PTPRN2: variants seen among roughly 807,000 people sequenced by gnomAD.
The protein encoded by PTPRN2 is receptor-type tyrosine-protein phosphatase N2.
In PTPRN2, 74 loss-of-function variants were observed where a neutral mutation model predicts 118.8. The observed-to-expected ratio is 0.62, with a 90% CI of 0.52 to 0.76. PTPRN2 has a LOEUF of 0.76. Ranked by LOEUF, PTPRN2 falls within the 30% of genes least tolerant of loss-of-function variation. PTPRN2 has a pLI of 0.00. For missense variants in PTPRN2, 1,481 were observed against 1,394.4 expected, an observed-to-expected ratio of 1.06 and a Z score of -0.99; for synonymous variants, 641 against 608.0, an observed-to-expected ratio of 1.05 and a Z score of -0.80.
At chr7:158,260,897 G>C (rs1394545861) in intron 3 of PTPRN2, among the ~76,000 whole-genome samples, 1 of 152,208 alleles carries the variant, frequency 6.6e-6, no homozygotes, top group African/African-American at 2.4e-5. Flanking sequence ...AGGCAGGAGT[G>C]TGAGCTCCTA....
intron 11 of PTPRN2, among the ~76,000 whole-genome samples, chr7:157,952,992 C>G (rs1314429067): frequency 6.6e-6 from 1 of 152,006 alleles, no homozygotes. Context: ...CATTGGCCCA[C>G]AGGGTGAGCT....
chr7:158,137,543 T>C (rs1318977861), intron 7 of PTPRN2, among the ~76,000 whole-genome samples: 2 of 152,064 alleles, frequency 1.3e-5, no homozygotes, highest in Admixed American at 6.5e-5. Flanking sequence ...CCTGCATCCC[T>C]CCTAGCCATG....
chr7:158,571,724 T>C (rs1178189176), intron 1 of PTPRN2, among the ~76,000 whole-genome samples: 1 of 151,724 alleles, frequency 6.6e-6, no homozygotes, highest in Non-Finnish European at 1.5e-5. Flanking sequence ...CTCCCCTGAT[T>C]CTTCAAAAAG....
intron 12 of PTPRN2, among the ~76,000 whole-genome samples, chr7:157,752,335 C>T (rs1446711702): frequency 6.6e-6 from 1 of 152,230 alleles, no homozygotes; most frequent in African/African-American, 2.4e-5. Context: ...AAGGCACAGC[C>T]ACAGCTTCCC....
intron 2 of PTPRN2, among the ~76,000 whole-genome samples, chr7:158,470,838 A>ATTT (rs112598536): frequency 6.9e-6 from 1 of 143,940 alleles, no homozygotes; most frequent in South Asian, 2.2e-4. Flanking sequence ...GATCACATGG[A>ATTT]TTTTTTTTTT....
At position 157,819,220 on chromosome 7, in the gene PTPRN2, C is replaced by T. The variant is rs1003975467; in HGVS notation, c.1788+79453G>A. On this transcript the variant is annotated intron_variant, in intron 12 of 22. Transcript: ENST00000389418. ...GCCTGGGAGCTCCAGCACCCAGGGACGCGCTCATTTGGCGCTGGGTCTTCC... is the reference window on the plus strand; with the variant it reads ...GCCTGGGAGCTCCAGCACCCAGGGATGCGCTCATTTGGCGCTGGGTCTTCC... Among the ~76,000 whole-genome samples the T allele has an allele frequency of 7.9e-5, 12 of 152,296 alleles. No homozygotes were observed. The South Asian group carries it at 1.0e-3, about 13-fold the overall frequency.
chr7:158,070,832 A>G (rs1364016104), intron 11 of PTPRN2, among the ~76,000 whole-genome samples: 2 of 72,256 alleles, frequency 2.8e-5, no homozygotes, highest in African/African-American at 6.3e-5. Context: ...GTGGTGGTGG[A>G]GGTGCCCATG....
At chr7:157,983,842 T>C (rs879498705) in intron 11 of PTPRN2, among the ~76,000 whole-genome samples, 6 of 152,212 alleles carry the variant, frequency 3.9e-5, no homozygotes, top group Non-Finnish European at 8.8e-5. Flanking sequence ...GCTCAAAAGC[T>C]GTGGGTCTGG....
At chr7:158,002,658 GCCTGGGAAATGTCCAGGAAT>G (rs1237061958) in intron 11 of PTPRN2, among the ~76,000 whole-genome samples, 1 of 152,228 alleles carries the variant, frequency 6.6e-6, no homozygotes, top group Non-Finnish European at 1.5e-5. Flanking sequence ...GGGTCAGGGA[GCCTGGGAAATGTCCAGGAAT>G]CCTGGGGCCG....
At chr7:158,034,489 A>ACAAGCTCT (rs1197960782) in intron 11 of PTPRN2, among the ~76,000 whole-genome samples, 1 of 152,122 alleles carries the variant, frequency 6.6e-6, no homozygotes, top group Non-Finnish European at 1.5e-5. Context: ...GTTTCCCTGC[A>ACAAGCTCT]CTTTGCCTGC....
chr7:158,268,230 G>A (rs1314327915), intron 3 of PTPRN2, among the ~76,000 whole-genome samples: 1 of 151,734 alleles, frequency 6.6e-6, no homozygotes, highest in Non-Finnish European at 1.5e-5. Context: ...AGAGCGGGGT[G>A]TGAGATATCC....
At chr7:158,572,095 A>G (rs1030025788) in intron 1 of PTPRN2, among the ~76,000 whole-genome samples, 1 of 152,184 alleles carries the variant, frequency 6.6e-6, no homozygotes, top group African/African-American at 2.4e-5. Flanking sequence ...GCTTCTGGAA[A>G]GCAGGGAAGG....
chr7:158,185,495 T>C (rs1009050745), intron 5 of PTPRN2, among the ~76,000 whole-genome samples: 1 of 152,236 alleles, frequency 6.6e-6, no homozygotes, highest in Non-Finnish European at 1.5e-5. Flanking sequence ...TTCCTCTCTT[T>C]AGTACTCTCA....
At chr7:157,588,010 C>T (rs897589960) in intron 17 of PTPRN2, among the ~76,000 whole-genome samples, 4 of 149,084 alleles carry the variant, frequency 2.7e-5, no homozygotes, top group East Asian at 2.0e-4. Context: ...TGGGCTCCCG[C>T]GGTGGCTGTC....
At chr7:157,567,711 C>CGT (rs201308151) in intron 21 of PTPRN2, among the ~76,000 whole-genome samples, 4 of 152,010 alleles carry the variant, frequency 2.6e-5, no homozygotes, top group Non-Finnish European at 4.4e-5. Flanking sequence ...AACACATATA[C>CGT]GTGTGTGTGT....
At chr7:158,159,059 C>T (rs553106019) in intron 6 of PTPRN2, among the ~76,000 whole-genome samples, 504 of 20,234 alleles carry the variant, frequency 0.025, 52 homozygotes, top group African/African-American at 0.13. Flanking sequence ...GCCGGGACTT[C>T]GCAAGGGCTT....
At chr7:158,207,457 A>G (rs1447642247) in intron 3 of PTPRN2, among the ~76,000 whole-genome samples, 6 of 152,164 alleles carry the variant, frequency 3.9e-5, no homozygotes. Flanking sequence ...ATGGGATCTA[A>G]TTAAACTAAA....
intron 10 of PTPRN2, among the ~76,000 whole-genome samples, chr7:158,107,556 C>T (rs578222073): frequency 2.0e-5 from 3 of 152,280 alleles, no homozygotes; most frequent in Non-Finnish European, 4.4e-5. Context: ...CACTTGACTG[C>T]CCAGGGGCCA....
At chr7:157,920,856 A>G (rs1412464820) in intron 11 of PTPRN2, among the ~76,000 whole-genome samples, 2 of 152,216 alleles carry the variant, frequency 1.3e-5, no homozygotes, top group Non-Finnish European at 2.9e-5. Context: ...TTTGGTGATG[A>G]CTTTTTAGAG....
Sources: gnomAD v4.1 joint callset for allele counts (sites outside exome capture counted in the v4.1 genomes callset) on GRCh38, gnomAD v4.1.1 for gene constraint, MANE v1.5 for transcripts, NCBI Gene and HGNC (gene_info 2026-07-23, HGNC 2026-07-21) for gene names.